The following CMIP variants were observed in gnomAD, a reference collection of about 807,000 sequenced individuals.
The protein encoded by CMIP is c-Maf inducing protein.
Under a neutral mutation model 97.3 loss-of-function variants are expected in CMIP, and 13 were observed. The ratio of observed to expected loss-of-function variants is 0.13; its 90% confidence interval spans 0.09 to 0.21. The LOEUF is 0.21. Among genes scored for constraint, CMIP ranks in the 10% least tolerant of loss-of-function variants. The pLI, the probability that CMIP is intolerant of heterozygous loss-of-function variation, is 1.00. For missense variants in CMIP, 847 were observed against 1,024.9 expected (o/e 0.83, Z 2.37); for synonymous variants, 538 against 436.3 (o/e 1.23, Z -2.91).
chr16:81,660,677 G>C (rs1010278485), intron 5 of CMIP, among the ~76,000 whole-genome samples: 1 of 152,156 alleles, frequency 6.6e-6, no homozygotes, highest in African/African-American at 2.4e-5. Context: ...TTCAGGTGGT[G>C]ACAAACCCAC....
intron 3 of CMIP, among the ~76,000 whole-genome samples, chr16:81,648,231 G>A (rs1482026849): frequency 4.0e-5 from 6 of 151,756 alleles, no homozygotes; most frequent in Non-Finnish European, 2.9e-5. Context: ...GCTTTGCAGT[G>A]GCCAGAGCCA....
rs182984990 is a variant in CMIP at position 81,481,058 on chromosome 16, T to C, written c.300+35517T>C. 4.6e-5 allele frequency among the ~76,000 whole-genome samples: 7 copies of C among 152,366 alleles called. No individual in the cohort carries two copies. In the East Asian group the frequency reaches 1.2e-3, roughly 25 times the overall value. On this transcript the variant is annotated intron_variant, in intron 1 of 20. Coordinates refer to ENST00000537098, the MANE Select transcript of CMIP (RefSeq NM_198390.3). Reference sequence around the variant, plus strand: ...GAGAAGCTGTGCACACCTCAGGGCTTTGGCCCGGCTGTCTCCCTCAGCTGC... The same window carrying C: ...GAGAAGCTGTGCACACCTCAGGGCTCTGGCCCGGCTGTCTCCCTCAGCTGC...
At chr16:81,510,356 A>G (rs953417389) in intron 1 of CMIP, among the ~76,000 whole-genome samples, 30 of 152,286 alleles carry the variant, frequency 2.0e-4, no homozygotes, top group African/African-American at 6.7e-4. Context: ...TGCTAATAAT[A>G]ATGATGACAA....
chr16:81,514,066 C>T (rs1223986914), intron 1 of CMIP, among the ~76,000 whole-genome samples: 1 of 152,144 alleles, frequency 6.6e-6, no homozygotes, highest in African/African-American at 2.4e-5. Context: ...ACGCCGCCAG[C>T]TTTGTTGATG....
chr16:81,450,853 G>C (rs367901562), intron 1 of CMIP, among the ~76,000 whole-genome samples: 10 of 152,208 alleles, frequency 6.6e-5, no homozygotes, highest in African/African-American at 2.4e-4. Context: ...TCCCTTACTC[G>C]ACGTCCACAC....
intron 10 of CMIP, among the ~76,000 whole-genome samples, chr16:81,682,750 G>T (rs1248073216): frequency 2.0e-5 from 3 of 152,230 alleles, no homozygotes; most frequent in Non-Finnish European, 4.4e-5. Flanking sequence ...GTGGGGCGCA[G>T]GCCCTGATCA....
chr16:81,609,017 C>T (rs1446808916), intron 2 of CMIP, among the ~76,000 whole-genome samples: 2 of 152,194 alleles, frequency 1.3e-5, no homozygotes, highest in Non-Finnish European at 2.9e-5. Context: ...AGTAGCGGAG[C>T]GTAACAACTT....
At chr16:81,513,114 T>C (rs1201643650) in intron 1 of CMIP, among the ~76,000 whole-genome samples, 1 of 152,216 alleles carries the variant, frequency 6.6e-6, no homozygotes, top group East Asian at 1.9e-4. Context: ...TGGTGGGAGC[T>C]TTTGAGTTTT....
chr16:81,590,711 C>T (rs894111123), intron 1 of CMIP, among the ~76,000 whole-genome samples: 2 of 152,208 alleles, frequency 1.3e-5, no homozygotes, highest in African/African-American at 4.8e-5. Context: ...GGACCCAGTC[C>T]TGGCGTAAAC....
chr16:81,495,926 C>G, intron 1 of CMIP, among the ~76,000 whole-genome samples: 1 of 152,108 alleles, frequency 6.6e-6, no homozygotes, highest in East Asian at 2.0e-4. Flanking sequence ...GAGATAATCC[C>G]CAGCTCCCCC....
chr16:81,498,048 G>A (rs972727973), intron 1 of CMIP, among the ~76,000 whole-genome samples: 2 of 152,220 alleles, frequency 1.3e-5, no homozygotes, highest in African/African-American at 2.4e-5. Context: ...ATGCATGCAT[G>A]TGTTGGTTCA....
chr16:81,599,048 A>G (rs567943294), intron 1 of CMIP, among the ~76,000 whole-genome samples: 1 of 151,982 alleles, frequency 6.6e-6, no homozygotes, highest in African/African-American at 2.4e-5. Flanking sequence ...AGTGTCAGCA[A>G]AAAGAACTGG....
intron 2 of CMIP, among the ~76,000 whole-genome samples, chr16:81,610,726 T>G (rs2091817749): frequency 6.6e-6 from 1 of 152,024 alleles, no homozygotes; most frequent in Non-Finnish European, 1.5e-5. Context: ...CGAGTCTGTG[T>G]GGTTCTAGGG....
At chr16:81,709,157 G>T (rs1354873449) in intron 20 of CMIP, among the ~76,000 whole-genome samples, 2 of 152,272 alleles carry the variant, frequency 1.3e-5, no homozygotes, top group East Asian at 1.9e-4. Context: ...TCCAGCCTAG[G>T]GGGAGCCTCA....
chr16:81,568,049 T>C (rs1487709324), intron 1 of CMIP, among the ~76,000 whole-genome samples: 1 of 149,696 alleles, frequency 6.7e-6, no homozygotes. Flanking sequence ...GTTTTTTTTT[T>C]TTTTTTTTTT....
At chr16:81,575,123 T>C (rs1449283575) in intron 1 of CMIP, among the ~76,000 whole-genome samples, 1 of 152,214 alleles carries the variant, frequency 6.6e-6, no homozygotes, top group Non-Finnish European at 1.5e-5. Context: ...ATGCCAGCCA[T>C]ATGCTAAATG....
intron 1 of CMIP, among the ~76,000 whole-genome samples, chr16:81,546,593 G>A (rs1349489390): frequency 6.6e-6 from 1 of 152,220 alleles, no homozygotes; most frequent in Non-Finnish European, 1.5e-5. Context: ...AGCAATGAGC[G>A]AACACAGTTG....
chr16:81,500,272 G>GTCCTTCCTTCCTTCCTTCCT (rs143054986), intron 1 of CMIP, among the ~76,000 whole-genome samples: 4,422 of 64,712 alleles, frequency 0.068, 427 homozygotes, highest in East Asian at 0.23. Flanking sequence ...CCTTCCTTCC[G>GTCCTTCCTTCCTTCCTTCCT]TCCTTCCTTC....
At chr16:81,504,770 C>T (rs2089677908) in intron 1 of CMIP, among the ~76,000 whole-genome samples, 1 of 151,978 alleles carries the variant, frequency 6.6e-6, no homozygotes, top group Non-Finnish European at 1.5e-5. Flanking sequence ...TGCCTATCTG[C>T]AGAGCTTGTT....
Sources: gnomAD v4.1 joint callset for allele counts (sites outside exome capture counted in the v4.1 genomes callset) on GRCh38, gnomAD v4.1.1 for gene constraint, MANE v1.5 for transcripts, NCBI Gene and HGNC (gene_info 2026-07-23, HGNC 2026-07-21) for gene names.